ST6GAL2: variants seen among roughly 807,000 people sequenced by gnomAD.
ST6GAL2 encodes the protein ST6 beta-galactoside alpha-2,6-sialyltransferase 2.
In ST6GAL2, 24 loss-of-function variants were observed where a neutral mutation model predicts 37.5. That is an observed-to-expected ratio of 0.64 (90% CI 0.46 to 0.90). The LOEUF is 0.90. Ranked by LOEUF, ST6GAL2 falls within the 40% of genes least tolerant of loss-of-function variation. ST6GAL2 has a pLI of 0.00. For synonymous variants in ST6GAL2, 306 were observed against 295.1 expected, an observed-to-expected ratio of 1.04 and a Z score of -0.38; for missense variants, 715 against 712.7, an observed-to-expected ratio of 1.00 and a Z score of -0.04.
chr2:106,809,073 T>C (rs116919621), intron 5 of ST6GAL2, among the ~76,000 whole-genome samples: 4,793 of 152,290 alleles, frequency 0.031, 101 homozygotes, highest in South Asian at 0.09. Context: ...GTGAATGTTC[T>C]CTGGTGGCTG....
rs1306158011 is a variant in ST6GAL2 at position 106,834,079 on chromosome 2, A to G, written c.1011T>C (p.Asn337=). The G allele has an allele frequency of 6.2e-7, 1 of 1,613,668 alleles. No homozygotes were observed. The highest frequency in any genetic ancestry group is 8.5e-7 in the Non-Finnish European group (1 of 1,179,768). Reference sequence around the variant, plus strand: ...AATTAATGATGCGTATGGTGGTTTTATTCCCAACATCTTTCTCATAACCAC... The same window carrying G: ...AATTAATGATGCGTATGGTGGTTTTGTTCCCAACATCTTTCTCATAACCAC... ...PTRGYEKDVG[N]KTTIRIINSQ... The change falls in exon 3 of 6, where the codon AAT becomes AAC. Residue 337 remains asparagine (N), a synonymous_variant. Coordinates refer to ENST00000409382, the MANE Select transcript of ST6GAL2 (RefSeq NM_001142351.2).
intron 1 of ST6GAL2, among the ~76,000 whole-genome samples, chr2:106,848,237 C>T (rs1677224540): frequency 6.6e-6 from 1 of 151,990 alleles, no homozygotes; most frequent in African/African-American, 2.4e-5. Context: ...TATCTGGGGA[C>T]AAAGTGAGTT....
intron 3 of ST6GAL2, 42 bp downstream of exon 3, chr2:106,834,007 C>A: frequency 6.8e-7 from 1 of 1,464,334 alleles, no homozygotes; most frequent in Middle Eastern, 1.7e-4. Context: ...TCCAGTTAAA[C>A]CTAAGAAACA....
rs10650737 is a variant in ST6GAL2, at chr2:106,804,841, C to CAAAAAAAAAAA, written c.*1826_*1836dup. On this transcript the variant is annotated 3_prime_UTR_variant, in exon 6 of 6. Coordinates refer to ENST00000409382, the MANE Select transcript of ST6GAL2 (RefSeq NM_001142351.2). ...TGGGCGACAGAGCGAGAGACTGTCT[C>CAAAAAAAAAAA]AAAAAAAAAAAAAAAAAAGAAAAGA... The CAAAAAAAAAAA allele has an allele frequency of 8.8e-5, 9 of 102,612 alleles. No homozygotes were observed. The highest frequency in any genetic ancestry group is 2.7e-4 in the East Asian group (1 of 3,764). The allele number at this position is 102,612 out of a possible 1,614,324, so 6.4% of individuals were successfully genotyped here. A position where few individuals can be genotyped will look rare whatever the true frequency, so the allele number is the denominator to read the frequency against.
At chr2:106,855,808 A>G (rs1677551849) in intron 1 of ST6GAL2, among the ~76,000 whole-genome samples, 1 of 152,246 alleles carries the variant, frequency 6.6e-6, no homozygotes, top group Admixed American at 6.5e-5. Context: ...CTGTTTCCAA[A>G]TCAATCCCCT....
At chr2:106,862,787 C>T (rs570210007) in intron 1 of ST6GAL2, among the ~76,000 whole-genome samples, 1 of 152,248 alleles carries the variant, frequency 6.6e-6, no homozygotes, top group South Asian at 2.1e-4. Context: ...CAGGCACCAA[C>T]CTGAGGCAGG....
rs1354682908 is a variant in ST6GAL2 at position 106,806,867 on chromosome 2, G to C, written c.1401C>G (p.His467Gln). ...CTGCGTCGTAGTACAGCTCGTGGTA[G>C]TGGCACAGCTCCGTCTGCCGCACGG... is the stretch of plus-strand genomic sequence containing the variant. ...IPSVRQTELC[H>Q]YHELYYDAAC... The change falls in exon 6 of 6, where the codon CAC (histidine) becomes CAG (glutamine). Residue 467 changes from histidine (H) to glutamine (Q), a missense_variant. Physicochemically the swap from His to Gln is conservative, Grantham distance 24 (BLOSUM62 0). Around this residue, in one of 3 missense-constraint regions of ST6GAL2, gnomAD observed 198 missense variants for 203.6 expected, o/e 0.97. Coordinates refer to ENST00000409382, the MANE Select transcript of ST6GAL2 (RefSeq NM_001142351.2). 1 of 1,614,190 alleles carries C rather than the reference G, an allele frequency of 6.2e-7. No homozygotes were observed. Among genetic ancestry groups the C allele is most frequent in the Non-Finnish European group, 8.5e-7 (1 of 1,180,040 alleles).
chr2:106,855,159 G>T (rs1677524807), intron 1 of ST6GAL2, among the ~76,000 whole-genome samples: 1 of 152,176 alleles, frequency 6.6e-6, no homozygotes, highest in South Asian at 2.1e-4. Flanking sequence ...GTATTTAAAT[G>T]CTTGAGTAAC....
intron 5 of ST6GAL2, chr2:106,813,291 C>A (rs770571567): frequency 1.6e-4 from 182 of 1,129,378 alleles, no homozygotes; most frequent in Non-Finnish European, 2.0e-4. Context: ...ACTCAAGAGG[C>A]ATTCATTTGC....
intron 1 of ST6GAL2, among the ~76,000 whole-genome samples, chr2:106,850,906 TA>T (rs1364531748): frequency 6.6e-6 from 1 of 152,198 alleles, no homozygotes; most frequent in African/African-American, 2.4e-5. Flanking sequence ...CATCGGGGGA[TA>T]TAAGAGGCCC....
rs1425070594 is a variant in ST6GAL2 at position 106,884,934 on chromosome 2, T to TATATATATATATATATATATATAC, written c.-58+1158_-58+1159insGTATATATATATATATATATATAT. ...ATATATATATATATATATATATATA[T>TATATATATATATATATATATATAC]ACATACACACACACACATATATACA... On this transcript the variant is annotated intron_variant, in intron 1 of 5. Transcript: ENST00000409382. Among the ~76,000 whole-genome samples, 49 of 120,430 alleles carry TATATATATATATATATATATATAC rather than the reference T, an allele frequency of 4.1e-4. 2 individuals carry two copies. Among genetic ancestry groups the TATATATATATATATATATATATAC allele is most frequent in the Non-Finnish European group, 5.9e-4 (36 of 60,606 alleles). The allele number at this position is 120,430 out of a possible 152,430, so 79.0% of individuals were successfully genotyped here. A position where few individuals can be genotyped will look rare whatever the true frequency, so the allele number is the denominator to read the frequency against.
intron 1 of ST6GAL2, among the ~76,000 whole-genome samples, chr2:106,863,343 T>C (rs985274705): frequency 1.3e-5 from 2 of 152,350 alleles, no homozygotes; most frequent in African/African-American, 4.8e-5. Context: ...GATTGGATCA[T>C]GGATTTTTGC....
At chr2:106,854,410 A>G (rs890140274) in intron 1 of ST6GAL2, among the ~76,000 whole-genome samples, 1 of 152,224 alleles carries the variant, frequency 6.6e-6, no homozygotes, top group African/African-American at 2.4e-5. Flanking sequence ...AGAGAGCACA[A>G]TATTTTTCAG....
chr2:106,843,688 TGCAGGTCTCCAGGCCCC>T lies in ST6GAL2; in HGVS notation c.273_289del (p.Gly92GlufsTer10). On this transcript the variant is annotated frameshift_variant, in exon 2 of 6. Transcript: ENST00000409382. LOFTEE classifies it high-confidence loss of function. ...CCCATCTTGGGACTGGGCCCATTTCTGCAGGTCTCCAGGCCCCGCATGAAAGGAACCGGCTGGGTGGG... is the reference window on the plus strand; with the variant it reads ...CCCATCTTGGGACTGGGCCCATTTCTGCATGAAAGGAACCGGCTGGGTGGG... The T allele has an allele frequency of 6.2e-7, 1 of 1,613,274 alleles. No homozygotes were observed. The highest frequency in any genetic ancestry group is 1.1e-5 in the South Asian group (1 of 91,086).
intron 3 of ST6GAL2, 47 bp from the exon 4 acceptor site, chr2:106,832,713 A>G: frequency 2.4e-6 from 3 of 1,240,372 alleles, no homozygotes; most frequent in Non-Finnish European, 3.6e-6. Context: ...TTTGGTTTTT[A>G]AAAATTGCAT....
At chr2:106,867,597 C>CTTCTGCTTTTTTT (rs1173665034) in intron 1 of ST6GAL2, among the ~76,000 whole-genome samples, 4 of 152,106 alleles carry the variant, frequency 2.6e-5, no homozygotes, top group African/African-American at 9.7e-5. Flanking sequence ...CTTCAAAGTC[C>CTTCTGCTTTTTTT]TTCTGCTTTT....
At chr2:106,873,151 G>C (rs1473035658) in intron 1 of ST6GAL2, among the ~76,000 whole-genome samples, 1 of 152,154 alleles carries the variant, frequency 6.6e-6, no homozygotes, top group African/African-American at 2.4e-5. Context: ...CTCCGTAGAT[G>C]TCCCCAGCCC....
At chr2:106,808,387 C>T (rs1007991879) in intron 5 of ST6GAL2, among the ~76,000 whole-genome samples, 2 of 152,186 alleles carry the variant, frequency 1.3e-5, no homozygotes, top group Admixed American at 1.3e-4. Context: ...GAGAGTAAAA[C>T]ACACTCCTAA....
In ST6GAL2 at chr2:106,805,087, T is replaced by G. The variant is rs536099411; in HGVS notation, c.*1591A>C. The G allele has an allele frequency of 2.0e-5, 3 of 152,180 alleles. No individual in the cohort carries two copies. The highest frequency in any genetic ancestry group is 4.8e-5 in the African/African-American group (2 of 41,432). 9.4% of individuals were successfully genotyped at this position (152,180 alleles called of 1,614,324 possible). ...CCAGCTCCATATCTGCTGAATAGAC[T>G]AACCAAACAGAAGCCTTCAGTCTCT... On this transcript the variant is annotated 3_prime_UTR_variant, in exon 6 of 6. Coordinates refer to ENST00000409382, the MANE Select transcript of ST6GAL2 (RefSeq NM_001142351.2).
Sources: allele counts gnomAD v4.1 joint callset (sites outside exome capture counted in the v4.1 genomes callset), GRCh38; gene constraint gnomAD v4.1.1; regional missense constraint gnomAD v4.1.1; transcripts MANE v1.5; gene names NCBI Gene and HGNC (gene_info 2026-07-23, HGNC 2026-07-21).